The following SCN8A variants were observed in gnomAD, a reference collection of about 807,000 sequenced individuals.
The protein encoded by SCN8A is sodium channel protein type 8 subunit alpha.
Under a neutral mutation model 184.1 loss-of-function variants are expected in SCN8A, and 30 were observed. The observed-to-expected ratio is 0.16, with a 90% CI of 0.12 to 0.22. SCN8A has a LOEUF of 0.22. Ranked by LOEUF, SCN8A falls within the 10% of genes least tolerant of loss-of-function variation. SCN8A has a pLI of 1.00. For missense variants in SCN8A, 1,057 were observed against 2,498.9 expected (o/e 0.42, Z 12.30); for synonymous variants, 852 against 907.0 (o/e 0.94, Z 1.09).
At position 51,793,962 on chromosome 12, in the gene SCN8A, T is replaced by C. The variant is rs144756255; in HGVS notation, c.4525-409T>C. 7.7e-3 allele frequency among the ~76,000 whole-genome samples: 1,177 copies of C among 152,144 alleles called. 16 individuals carry two copies. Among genetic ancestry groups the C allele is most frequent in the Middle Eastern group, 0.034 (10 of 294 alleles). On this transcript the variant is annotated intron_variant, in intron 25 of 26. Coordinates refer to ENST00000627620, the MANE Select transcript of SCN8A (RefSeq NM_001330260.2). The stretch of plus-strand genomic sequence containing the variant: ...GAGTTCGAGACCAGCCTGGCCAATA[T>C]AGCAAAACCCCGTCTATGCTAAAAA...
At chr12:51,686,983 T>C (rs898879285) in intron 4 of SCN8A, 108 bp from the exon 5 acceptor site, 4 of 1,137,490 alleles carry the variant, frequency 3.5e-6, no homozygotes, top group Non-Finnish European at 5.2e-6. Context: ...GTGCCCTTTC[T>C]GTTTTGTCTC....
At chr12:51,795,768 G>A (rs538573436) in intron 26 of SCN8A, among the ~76,000 whole-genome samples, 25 of 152,070 alleles carry the variant, frequency 1.6e-4, no homozygotes, top group Middle Eastern at 3.2e-3. Flanking sequence ...ATTCTGGGCC[G>A]GGTGCAGTGG....
Position 51,689,044 on chromosome 12 carries a change from G to C in SCN8A, c.654G>C (p.Ala218=). 1 of 1,613,914 alleles carries C rather than the reference G, an allele frequency of 6.2e-7. No individual in the cohort carries two copies. The highest frequency in any genetic ancestry group is 8.5e-7 in the Non-Finnish European group (1 of 1,179,980). ...TEFVDLGNVS[A]LRTFRVLRAL... is the part of the protein sequence containing the mutation. ...TTGTGGACCTGGGCAATGTCTCAGC[G>C]CTGAGAACATTCAGGGTTCTCCGAG... The change falls in exon 6 of 27, where the codon GCG becomes GCC. Residue 218 remains alanine, a synonymous_variant. Transcript: ENST00000627620.
At chr12:51,732,720 T>C (rs1004466474) in intron 12 of SCN8A, among the ~76,000 whole-genome samples, 1 of 152,210 alleles carries the variant, frequency 6.6e-6, no homozygotes, top group African/African-American at 2.4e-5. Context: ...TCCAGTTTTT[T>C]GCATCCTCTT....
intron 1 of SCN8A, among the ~76,000 whole-genome samples, chr12:51,634,633 GTAT>G (rs200202699): frequency 4.6e-4 from 64 of 139,688 alleles, no homozygotes; most frequent in South Asian, 2.0e-3. Flanking sequence ...AATGAAATAC[GTAT>G]TATTATTATT....
chr12:51,770,847 T>C (rs910045678), intron 19 of SCN8A, among the ~76,000 whole-genome samples, 164 bp downstream of exon 19: 1 of 152,222 alleles, frequency 6.6e-6, no homozygotes, highest in African/African-American at 2.4e-5. Context: ...TTTGAGCCTG[T>C]GGGATTAGAA....
rs576362165 is a variant in SCN8A at position 51,706,554 on chromosome 12, C to A, written c.1474C>A (p.Arg492Ser). Reference sequence around the variant, plus strand: ...CAGCTCAAAGAGTGCAAAGGAAAGACGTAACAGGAGAAAGAAGAGGAAGCA... The same window carrying A: ...CAGCTCAAAGAGTGCAAAGGAAAGAAGTAACAGGAGAAAGAAGAGGAAGCA... ...KLSSKSAKER[R>S]NRRKKRKQKE... The change falls in exon 11 of 27, where the codon CGT (arginine) becomes AGT (serine). Residue 492 changes from arginine to serine, a missense_variant. Physicochemically the swap from Arg to Ser is moderately radical, Grantham distance 110. Around this residue, in one of 19 missense-constraint regions of SCN8A, gnomAD observed 322 missense variants for 390.1 expected, o/e 0.83. Coordinates refer to ENST00000627620, the MANE Select transcript of SCN8A (RefSeq NM_001330260.2). 2.5e-6 allele frequency: 4 copies of A among 1,607,420 alleles called. No homozygotes were observed. Among genetic ancestry groups the A allele is most frequent in the Non-Finnish European group, 3.4e-6 (4 of 1,176,814 alleles).
At chr12:51,757,081 GT>G (rs1942687005) in intron 14 of SCN8A, among the ~76,000 whole-genome samples, 1 of 152,054 alleles carries the variant, frequency 6.6e-6, no homozygotes, top group African/African-American at 2.4e-5. Flanking sequence ...ATGATTTTTA[GT>G]TATTGTTCTG....
chr12:51,643,854 G>A (rs1324351413), intron 1 of SCN8A, among the ~76,000 whole-genome samples: 1 of 152,218 alleles, frequency 6.6e-6, no homozygotes, highest in Non-Finnish European at 1.5e-5. Flanking sequence ...TGACTTAGGA[G>A]AGTGTATCCT....
At chr12:51,779,210 A>G (rs1937813246) in intron 20 of SCN8A, among the ~76,000 whole-genome samples, 1 of 113,380 alleles carries the variant, frequency 8.8e-6, no homozygotes, top group African/African-American at 3.2e-5. Context: ...ACAGAGTGAG[A>G]CTTTGTCTCA....
intron 1 of SCN8A, among the ~76,000 whole-genome samples, chr12:51,623,534 C>T (rs941391295): frequency 2.0e-5 from 3 of 152,180 alleles, no homozygotes; most frequent in Admixed American, 1.3e-4. Flanking sequence ...CTATGAGCTA[C>T]GATTTACCAA....
chr12:51,595,239 C>T (rs190828282), intron 1 of SCN8A, among the ~76,000 whole-genome samples: 1 of 152,192 alleles, frequency 6.6e-6, no homozygotes, highest in African/African-American at 2.4e-5. Flanking sequence ...GAACTCTTAC[C>T]CTGTAAGTTT....
intron 2 of SCN8A, among the ~76,000 whole-genome samples, chr12:51,672,414 T>A (rs756175132): frequency 6.6e-6 from 1 of 152,204 alleles, no homozygotes; most frequent in Non-Finnish European, 1.5e-5. Flanking sequence ...CTGACTCTTA[T>A]ATCTCTTTAC....
chr12:51,771,537 G>C (rs981606919), intron 19 of SCN8A, among the ~76,000 whole-genome samples: 1 of 152,188 alleles, frequency 6.6e-6, no homozygotes, highest in Non-Finnish European at 1.5e-5. Flanking sequence ...AATAAGAAAA[G>C]CTGAGAGAGG....
chr12:51,794,538 C>T lies in SCN8A; in HGVS notation c.4692C>T (p.Phe1564=). 1 of 1,614,046 alleles carries T rather than the reference C, an allele frequency of 6.2e-7. No homozygotes were observed. The highest frequency in any genetic ancestry group is 1.1e-5 in the South Asian group (1 of 91,080). The change falls in exon 26 of 27, where the codon TTC becomes TTT. Residue 1564 remains phenylalanine (F), a synonymous_variant. Transcript: ENST00000627620. ...LYWINLVFVI[F]FTCECVLKMF... ...GGATTAACCTGGTGTTTGTTATCTTCTTCACCTGTGAGTGTGTGCTCAAAA... is the reference window on the plus strand; with the variant it reads ...GGATTAACCTGGTGTTTGTTATCTTTTTCACCTGTGAGTGTGTGCTCAAAA...
At chr12:51,657,351 A>G (rs1940841987) in intron 1 of SCN8A, among the ~76,000 whole-genome samples, 1 of 152,080 alleles carries the variant, frequency 6.6e-6, no homozygotes, top group South Asian at 2.1e-4. Flanking sequence ...CCACTTTTCA[A>G]AATCCACTTT....
At chr12:51,765,574 T>C in intron 15 of SCN8A, 97 bp from the exon 16 acceptor site, 3 of 766,988 alleles carry the variant, frequency 3.9e-6, no homozygotes, top group Non-Finnish European at 6.1e-6. Context: ...ATATATTTAA[T>C]CTGATCTTCC....
In SCN8A at chr12:51,811,291, C is replaced by T. The variant is rs1565937080; in HGVS notation, c.*3862C>T. ...GGAAGAAAAGCAAGGTCCTGACCCCCCCCAGATCCCCACTCACCCATTGCA... is the reference window on the plus strand; with the variant it reads ...GGAAGAAAAGCAAGGTCCTGACCCCTCCCAGATCCCCACTCACCCATTGCA... On this transcript the variant is annotated 3_prime_UTR_variant, in exon 27 of 27. Coordinates refer to ENST00000627620, the MANE Select transcript of SCN8A (RefSeq NM_001330260.2). The T allele has an allele frequency of 6.6e-6, 1 of 152,076 alleles. No homozygotes were observed. Among genetic ancestry groups the T allele is most frequent in the Non-Finnish European group, 1.5e-5 (1 of 68,050 alleles). 9.4% of individuals were successfully genotyped at this position (152,076 alleles called of 1,614,324 possible).
intron 20 of SCN8A, among the ~76,000 whole-genome samples, chr12:51,775,625 A>C (rs944652274): frequency 1.3e-5 from 2 of 152,168 alleles, no homozygotes; most frequent in African/African-American, 2.4e-5. Context: ...TGTACCCCCC[A>C]CAGACAGAAA....
Sources: allele counts gnomAD v4.1 joint callset (sites outside exome capture counted in the v4.1 genomes callset), GRCh38; gene constraint gnomAD v4.1.1; regional missense constraint gnomAD v4.1.1; transcripts MANE v1.5; gene names NCBI Gene and HGNC (gene_info 2026-07-23, HGNC 2026-07-21).